Variants in ADGRV1 observed in about 807,000 individuals in gnomAD.
The protein encoded by ADGRV1 is adhesion G protein-coupled receptor V1.
In ADGRV1, 359 loss-of-function variants were observed where a neutral mutation model predicts 596.2. That is an observed-to-expected ratio of 0.60 (90% CI 0.55 to 0.66). The LOEUF is 0.66. Among genes scored for constraint, ADGRV1 ranks in the 30% least tolerant of loss-of-function variants. The pLI is 0.00. For missense variants in ADGRV1, 7,274 were observed against 7,575.6 expected (o/e 0.96, Z 1.48); for synonymous variants, 2,681 against 2,679.2 (o/e 1.00, Z -0.02).
chr5:90,662,643 G>A (rs934581776), intron 21 of ADGRV1, among the ~76,000 whole-genome samples: 25 of 150,852 alleles, frequency 1.7e-4, no homozygotes, highest in African/African-American at 6.1e-4. Flanking sequence ...TAAGTTTTAG[G>A]GTACATGAGC....
At chr5:90,918,050 A>G (rs1019401311) in intron 83 of ADGRV1, among the ~76,000 whole-genome samples, 2 of 152,134 alleles carry the variant, frequency 1.3e-5, no homozygotes, top group Admixed American at 1.3e-4. Context: ...AGGTTACACA[A>G]CTAGCAAGAG....
At chr5:90,882,262 T>A (rs1769863273) in intron 83 of ADGRV1, among the ~76,000 whole-genome samples, 1 of 152,220 alleles carries the variant, frequency 6.6e-6, no homozygotes, top group Admixed American at 6.5e-5. Flanking sequence ...TTCACAAACC[T>A]TTTCAGTACT....
At chr5:90,861,124 G>A (rs776253831) in intron 82 of ADGRV1, among the ~76,000 whole-genome samples, 22 of 151,830 alleles carry the variant, frequency 1.4e-4, no homozygotes, top group Non-Finnish European at 2.2e-4. Context: ...TTTTAGAACC[G>A]AATCTCTAAT....
intron 59 of ADGRV1, among the ~76,000 whole-genome samples, chr5:90,766,118 C>A (rs1053275360): frequency 2.0e-5 from 3 of 152,036 alleles, no homozygotes; most frequent in Non-Finnish European, 4.4e-5. Flanking sequence ...ACTGTGTTAG[C>A]CAGGATGGTC....
chr5:90,632,056 A>G (rs1765572159), intron 9 of ADGRV1, among the ~76,000 whole-genome samples: 1 of 145,678 alleles, frequency 6.9e-6, no homozygotes, highest in South Asian at 2.2e-4. Flanking sequence ...TTTTGACATT[A>G]GCACTTGTTT....
At chr5:90,956,265 A>G (rs372871964) in intron 83 of ADGRV1, among the ~76,000 whole-genome samples, 636 of 152,312 alleles carry the variant, frequency 4.2e-3, no homozygotes, top group South Asian at 6.8e-3. Flanking sequence ...CAGACTATGT[A>G]TCAGTTGTAT....
At chr5:90,586,227 G>A (rs935677268) in intron 1 of ADGRV1, among the ~76,000 whole-genome samples, 1 of 152,136 alleles carries the variant, frequency 6.6e-6, no homozygotes, top group African/African-American at 2.4e-5. Flanking sequence ...TTTCATGTAT[G>A]TCTACATAAT....
intron 83 of ADGRV1, among the ~76,000 whole-genome samples, chr5:90,895,592 T>C (rs1206445057): frequency 6.6e-6 from 1 of 152,164 alleles, no homozygotes; most frequent in Admixed American, 6.5e-5. Context: ...AGCACATCTT[T>C]AAAACTTCAC....
At chr5:90,901,987 T>C (rs1225857726) in intron 83 of ADGRV1, among the ~76,000 whole-genome samples, 2 of 152,030 alleles carry the variant, frequency 1.3e-5, no homozygotes, top group African/African-American at 2.4e-5. Flanking sequence ...TTTGCAGAAG[T>C]CCAGGTGAAA....
At chr5:90,661,249 A>G (rs1770244963) in intron 21 of ADGRV1, among the ~76,000 whole-genome samples, 1 of 152,238 alleles carries the variant, frequency 6.6e-6, no homozygotes, top group African/African-American at 2.4e-5. Flanking sequence ...TTGCTTTCAT[A>G]GTGATTCATA....
intron 45 of ADGRV1, among the ~76,000 whole-genome samples, chr5:90,724,040 T>G (rs1215057288): frequency 1.3e-5 from 2 of 152,120 alleles, no homozygotes; most frequent in Non-Finnish European, 2.9e-5. Context: ...TCTTAAAATG[T>G]ATAAAATGTA....
At chr5:90,818,447 T>C (rs1763135104) in intron 75 of ADGRV1, among the ~76,000 whole-genome samples, 2 of 149,332 alleles carry the variant, frequency 1.3e-5, no homozygotes, top group African/African-American at 4.9e-5. Context: ...ACTTCCAACA[T>C]TATGTTGAAT....
intron 89 of ADGRV1, among the ~76,000 whole-genome samples, chr5:91,155,515 G>A (rs1442630225): frequency 2.0e-5 from 3 of 152,164 alleles, no homozygotes; most frequent in Non-Finnish European, 2.9e-5. Flanking sequence ...TAGTCATTCC[G>A]CAATGGGAGG....
intron 87 of ADGRV1, among the ~76,000 whole-genome samples, chr5:91,113,454 A>G (rs1257270009): frequency 2.0e-5 from 3 of 152,196 alleles, no homozygotes; most frequent in Non-Finnish European, 1.5e-5. Flanking sequence ...GGCAAATTGA[A>G]TATAGGCAGA....
rs373133542 is a variant in ADGRV1, at chr5:90,809,033, G to A, written c.14973-1200G>A. 1.7e-3 allele frequency among the ~76,000 whole-genome samples: 249 copies of A among 148,732 alleles called. 1 individual carries two copies. Among genetic ancestry groups the A allele is most frequent in the African/African-American group, 5.6e-3 (228 of 40,678 alleles). Reference sequence around the variant, plus strand: ...GCTAGCTCGGCTCACTGCAAGCTCCGCCTCCCGGGTTCACGCCATTCTCCT... The same window carrying A: ...GCTAGCTCGGCTCACTGCAAGCTCCACCTCCCGGGTTCACGCCATTCTCCT... On this transcript the variant is annotated intron_variant, in intron 73 of 89. Coordinates refer to ENST00000405460, the MANE Select transcript of ADGRV1 (RefSeq NM_032119.4).
intron 87 of ADGRV1, among the ~76,000 whole-genome samples, chr5:91,107,791 A>G (rs933907411): frequency 1.3e-5 from 2 of 152,186 alleles, no homozygotes; most frequent in Non-Finnish European, 2.9e-5. Context: ...AAATAAATAT[A>G]AGCCTTAGGA....
chr5:90,786,819 G>T (rs543158057), intron 67 of ADGRV1, among the ~76,000 whole-genome samples: 12 of 152,278 alleles, frequency 7.9e-5, no homozygotes, highest in African/African-American at 2.6e-4. Flanking sequence ...GTTCTGTTTT[G>T]GGCGTGTTCT....
intron 1 of ADGRV1, among the ~76,000 whole-genome samples, chr5:90,611,912 A>G (rs1264417843): frequency 1.3e-5 from 2 of 152,022 alleles, no homozygotes; most frequent in Non-Finnish European, 2.9e-5. Context: ...CTGTCTTCTA[A>G]TGGGAACTTC....
intron 77 of ADGRV1, among the ~76,000 whole-genome samples, chr5:90,834,720 T>C (rs1002684366): frequency 6.6e-6 from 1 of 152,094 alleles, no homozygotes; most frequent in Non-Finnish European, 1.5e-5. Flanking sequence ...TATTAACCCT[T>C]TGAATAAACT....
Sources: allele counts gnomAD v4.1 joint callset (sites outside exome capture counted in the v4.1 genomes callset), GRCh38; gene constraint gnomAD v4.1.1; transcripts MANE v1.5; gene names NCBI Gene and HGNC (gene_info 2026-07-23, HGNC 2026-07-21).